The following CTTN variants were observed in gnomAD, a reference collection of about 807,000 sequenced individuals.
CTTN encodes the protein cortactin.
Under a neutral mutation model 84.0 loss-of-function variants are expected in CTTN, and 28 were observed. That is an observed-to-expected ratio of 0.33 (90% CI 0.25 to 0.46). The LOEUF is 0.46. CTTN is among the 20% of genes least tolerant of loss of function. The pLI, the probability that CTTN is intolerant of heterozygous loss-of-function variation, is 1.00. For synonymous variants in CTTN, 301 were observed against 288.8 expected (o/e 1.04, Z -0.43); for missense variants, 641 against 723.8 (o/e 0.89, Z 1.31).
Position 70,436,003 on chromosome 11 carries a change from G to C in CTTN, c.*841G>C, listed in dbSNP as rs2058413753. 7.0e-7 allele frequency: 1 copy of C among 1,427,864 alleles called. No homozygotes were observed. Among genetic ancestry groups the C allele is most frequent in the Non-Finnish European group, 9.1e-7 (1 of 1,097,718 alleles). 88.4% of individuals were successfully genotyped at this position (1,427,864 alleles called of 1,614,324 possible). ...CTTAACTGTCACCCATATGGTCCCT[G>C]GGCCACCGGGCAGCCTGGGGCGGTG... On this transcript the variant is annotated 3_prime_UTR_variant, in exon 18 of 18. Transcript: ENST00000301843.
intron 11 of CTTN, chr11:70,422,367 C>T (rs575387946): frequency 6.5e-5 from 36 of 552,038 alleles, no homozygotes; most frequent in African/African-American, 4.0e-4. Context: ...GGGGTGGTCC[C>T]GCAGACTGCA....
At position 70,409,798 on chromosome 11, in the gene CTTN, T is replaced by C. The variant is rs766490700; in HGVS notation, c.162-33T>C. On this transcript the variant is annotated intron_variant, in intron 4 of 17. Coordinates refer to ENST00000301843, the MANE Select transcript of CTTN (RefSeq NM_005231.4). ...AGGCAAAGCTGCACGTCTGTTTTAT[T>C]GATCTGTTCCTATTTTCATCTCTTC... The C allele has an allele frequency of 3.7e-6, 6 of 1,607,320 alleles. No homozygotes were observed. In the South Asian group the frequency reaches 6.6e-5, roughly 18 times the overall value.
intron 8 of CTTN, among the ~76,000 whole-genome samples, 180 bp downstream of exon 8, chr11:70,417,303 A>T (rs1401096387): frequency 6.6e-6 from 1 of 152,234 alleles, no homozygotes; most frequent in East Asian, 1.9e-4. Context: ...CCATCGTATG[A>T]GGATTCCATA....
chr11:70,414,718 C>A, intron 6 of CTTN, 66 bp downstream of exon 6: 1 of 1,171,606 alleles, frequency 8.5e-7, no homozygotes, highest in Non-Finnish European at 1.3e-6. Context: ...TAGATCTGAG[C>A]CCTGTTGGGC....
Position 70,414,592 on chromosome 11 carries a change from G to A in CTTN, c.342G>A (p.Gln114=). ...CGAAACTTTCCAAGCACTGCTCGCA[G>A]GTGGACTCGGTCCGTGGCTTCGGAG... ...YQSKLSKHCS[Q]VDSVRGFGGK... The change falls in exon 6 of 18, where the codon CAG becomes CAA. Residue 114 remains glutamine, a synonymous_variant. Transcript: ENST00000301843. 6.2e-7 allele frequency: 1 copy of A among 1,614,236 alleles called. No homozygotes were observed. The highest frequency in any genetic ancestry group is 8.5e-7 in the Non-Finnish European group (1 of 1,180,034).
chr11:70,421,423 GTT>G, intron 10 of CTTN, 45 bp from the exon 11 acceptor site: 1 of 1,357,742 alleles, frequency 7.4e-7, no homozygotes, highest in Non-Finnish European at 1.1e-6. Flanking sequence ...ACCCAACTGT[GTT>G]TCCTCTTTTG....
At chr11:70,407,266 G>C in intron 2 of CTTN, 32 bp from the exon 3 acceptor site, 1 of 1,542,186 alleles carries the variant, frequency 6.5e-7, no homozygotes, top group Non-Finnish European at 8.8e-7. Context: ...GCGCCCTGAG[G>C]CCTCCGTAAC....
chr11:70,416,874 G>A (rs1176993761), intron 7 of CTTN, 139 bp from the exon 8 acceptor site: 2 of 681,480 alleles, frequency 2.9e-6, no homozygotes, highest in Non-Finnish European at 5.4e-6. Flanking sequence ...GGAGCAGTGG[G>A]TGGCTTGTTG....
At position 70,435,251 on chromosome 11, in the gene CTTN, CTGTT is replaced by C; in HGVS notation, c.*91_*94del. The C allele has an allele frequency of 3.3e-5, 32 of 978,186 alleles. No homozygotes were observed. The highest frequency in any genetic ancestry group is 3.0e-5 in the Non-Finnish European group (23 of 778,482). The allele number at this position is 978,186 out of a possible 1,614,324, so 60.6% of individuals were successfully genotyped here. A position where few individuals can be genotyped will look rare whatever the true frequency, so the allele number is the denominator to read the frequency against. On this transcript the variant is annotated 3_prime_UTR_variant, in exon 18 of 18. Transcript: ENST00000301843. ...GTTCTTGGGTGGTTTTGGGTTTTTTCTGTTTTTTTTTTTTTTTTTTTTTTTTTGA... is the reference window on the plus strand; with the variant it reads ...GTTCTTGGGTGGTTTTGGGTTTTTTCTTTTTTTTTTTTTTTTTTTTTTTGA...
chr11:70,419,052 G>A (rs2058198119), intron 8 of CTTN, among the ~76,000 whole-genome samples: 1 of 151,168 alleles, frequency 6.6e-6, no homozygotes, highest in Non-Finnish European at 1.5e-5. Context: ...TGGGATTACA[G>A]GTGTGAGCCA....
Position 70,414,594 on chromosome 11 carries a change from T to C in CTTN, c.344T>C (p.Val115Ala), listed in dbSNP as rs2058136220. The C allele has an allele frequency of 1.2e-6, 2 of 1,614,230 alleles. No homozygotes were observed. The highest frequency in any genetic ancestry group is 1.7e-6 in the Non-Finnish European group (2 of 1,180,030). ...AAACTTTCCAAGCACTGCTCGCAGGTGGACTCGGTCCGTGGCTTCGGAGGC... is the reference window on the plus strand; with the variant it reads ...AAACTTTCCAAGCACTGCTCGCAGGCGGACTCGGTCCGTGGCTTCGGAGGC... ...QSKLSKHCSQ[V>A]DSVRGFGGKF... Residue 115 changes from valine (V) to alanine (A), a missense_variant, in exon 6 of 18, where the codon GTG (valine) becomes GCG (alanine). Transcript: ENST00000301843.
chr11:70,398,646 G>A (rs998058865), intron 1 of CTTN, 32 bp downstream of exon 1: 2 of 152,234 alleles, frequency 1.3e-5, no homozygotes, highest in Non-Finnish European at 2.9e-5. Flanking sequence ...CCGGGGTGCA[G>A]GCCGGGCTCT....
At position 70,435,865 on chromosome 11, in the gene CTTN, C is replaced by T. The variant is rs1381289596; in HGVS notation, c.*703C>T. 44 of 1,508,134 alleles carry T rather than the reference C, an allele frequency of 2.9e-5. No individual in the cohort carries two copies. The highest frequency in any genetic ancestry group is 5.0e-5 in the South Asian group (4 of 80,628). The allele number at this position is 1,508,134 out of a possible 1,614,324, so 93.4% of individuals were successfully genotyped here. A position where few individuals can be genotyped will look rare whatever the true frequency, so the allele number is the denominator to read the frequency against. On this transcript the variant is annotated 3_prime_UTR_variant, in exon 18 of 18. Coordinates refer to ENST00000301843, the MANE Select transcript of CTTN (RefSeq NM_005231.4). ...TGCTGGGAGCCTCTCCTGTCCCCGC[C>T]GGGCAGTGTCACTGAGTCCTTGAAA...
intron 5 of CTTN, among the ~76,000 whole-genome samples, chr11:70,411,228 C>T (rs1267540703): frequency 1.3e-5 from 2 of 150,308 alleles, no homozygotes; most frequent in African/African-American, 2.5e-5. Flanking sequence ...GTGCAGCGAG[C>T]GAAGCGTGTG....
Position 70,409,968 on chromosome 11 carries a change from G to C in CTTN, c.291+8G>C, listed in dbSNP as rs752984678. The C allele has an allele frequency of 6.2e-7, 1 of 1,613,806 alleles. No homozygotes were observed. The highest frequency in any genetic ancestry group is 8.5e-7 in the Non-Finnish European group (1 of 1,179,958). On this transcript the variant is annotated splice_region_variant and intron_variant, in intron 5 of 17. Transcript: ENST00000301843. ...CAAGACCGAATGGATAAGGTAAGTG[G>C]CCCGCGGCTGCCTATGCCAGGCTCC...
chr11:70,401,647 CAAACAAAAAA>C (rs71463676), intron 1 of CTTN, among the ~76,000 whole-genome samples: 2,258 of 144,110 alleles, frequency 0.016, 27 homozygotes, highest in Non-Finnish European at 0.025. Context: ...GACTTCGTCT[CAAACAAAAAA>C]AAACAAAAAA....
At chr11:70,418,139 C>G (rs74420617) in intron 8 of CTTN, among the ~76,000 whole-genome samples, 1 of 152,154 alleles carries the variant, frequency 6.6e-6, no homozygotes, top group African/African-American at 2.4e-5. Context: ...AAAAAAATTA[C>G]CCCAAAGCAA....
chr11:70,407,567 G>T lies in CTTN; in HGVS notation c.137G>T (p.Gly46Val). 1 of 1,613,796 alleles carries T rather than the reference G, an allele frequency of 6.2e-7. No homozygotes were observed. Among genetic ancestry groups the T allele is most frequent in the Non-Finnish European group, 8.5e-7 (1 of 1,180,030 alleles). ...EQRWGAKTVQGSGHQEHINIH... is the reference protein window; with the variant it reads ...EQRWGAKTVQVSGHQEHINIH... ...AGATGGGGTGCCAAGACGGTGCAGG[G>T]CTCCGGGCACCAGGAGCATATCAAG... Residue 46 changes from glycine to valine, a missense_variant, in exon 4 of 18, where the codon GGC becomes GTC. By Grantham distance (109) the Gly-to-Val change is moderately radical (BLOSUM62 -3). Around this residue, in one of 3 missense-constraint regions of CTTN, gnomAD observed 284 missense variants for 348.4 expected, o/e 0.82. Transcript: ENST00000301843.
chr11:70,432,057 CAG>C (rs1453576078), intron 15 of CTTN, among the ~76,000 whole-genome samples: 1 of 152,212 alleles, frequency 6.6e-6, no homozygotes. Flanking sequence ...TTCAGGAGCC[CAG>C]AGAGAGCCCT....
Sources: gnomAD v4.1 joint callset for allele counts (sites outside exome capture counted in the v4.1 genomes callset) on GRCh38, gnomAD v4.1.1 for gene constraint, gnomAD v4.1.1 regional missense constraint, MANE v1.5 for transcripts, NCBI Gene and HGNC (gene_info 2026-07-23, HGNC 2026-07-21) for gene names.